ARHGAP12: variants seen among roughly 807,000 people sequenced by gnomAD.
ARHGAP12 encodes Rho GTPase activating protein 12.
In ARHGAP12, 64 loss-of-function variants were observed where a neutral mutation model predicts 108.6. The observed-to-expected ratio is 0.59, with a 90% CI of 0.48 to 0.73. ARHGAP12 has a LOEUF of 0.73. Among genes scored for constraint, ARHGAP12 ranks in the 30% least tolerant of loss-of-function variants. The pLI is 0.00. For synonymous variants in ARHGAP12, 312 were observed against 337.2 expected (o/e 0.93, Z 0.82); for missense variants, 940 against 1,005.9 (o/e 0.93, Z 0.89).
chr10:31,816,640 C>T (rs893705121), intron 13 of ARHGAP12, among the ~76,000 whole-genome samples: 3 of 152,064 alleles, frequency 2.0e-5, no homozygotes, highest in Admixed American at 1.3e-4. Context: ...GGGCCTACAC[C>T]GCTGAATTTT....
At chr10:31,920,153 C>G (rs2132492226) in intron 1 of ARHGAP12, among the ~76,000 whole-genome samples, 1 of 150,112 alleles carries the variant, frequency 6.7e-6, no homozygotes, top group South Asian at 2.1e-4. Flanking sequence ...CATTCAAACT[C>G]TTAGAAAACT....
At chr10:31,927,594 C>T (rs1475219742) in intron 1 of ARHGAP12, among the ~76,000 whole-genome samples, 1 of 152,200 alleles carries the variant, frequency 6.6e-6, no homozygotes, top group African/African-American at 2.4e-5. Context: ...CAGCCACAAC[C>T]AATCGTGTTA....
intron 4 of ARHGAP12, among the ~76,000 whole-genome samples, chr10:31,854,799 C>T (rs532101901): frequency 2.6e-4 from 40 of 151,498 alleles, no homozygotes; most frequent in Non-Finnish European, 5.0e-4. Flanking sequence ...CAAATTCAAA[C>T]ACAATACAGA....
intron 1 of ARHGAP12, among the ~76,000 whole-genome samples, chr10:31,914,981 C>T (rs1435080768): frequency 6.6e-6 from 1 of 152,214 alleles, no homozygotes; most frequent in Admixed American, 6.5e-5. Flanking sequence ...TCCTGCCATT[C>T]GCAACAACAT....
intron 6 of ARHGAP12, among the ~76,000 whole-genome samples, chr10:31,848,824 G>A (rs1033294446): frequency 2.6e-5 from 4 of 152,134 alleles, no homozygotes; most frequent in Admixed American, 2.0e-4. Context: ...TGTAATTCCA[G>A]CACTCTGGGA....
intron 13 of ARHGAP12, among the ~76,000 whole-genome samples, chr10:31,814,774 A>C (rs184411162): frequency 3.3e-5 from 5 of 152,304 alleles, no homozygotes; most frequent in African/African-American, 1.2e-4. Context: ...ACCCTGTAAC[A>C]ACAGGACAAG....
chr10:31,919,609 G>A (rs189271322), intron 1 of ARHGAP12, among the ~76,000 whole-genome samples: 1 of 151,404 alleles, frequency 6.6e-6, no homozygotes, highest in African/African-American at 2.4e-5. Flanking sequence ...TGGCTCCCAC[G>A]GTGAAACCGT....
At chr10:31,859,898 G>A (rs185726663) in intron 4 of ARHGAP12, among the ~76,000 whole-genome samples, 3 of 151,426 alleles carry the variant, frequency 2.0e-5, no homozygotes, top group Admixed American at 6.6e-5. Flanking sequence ...GGGTTCAAGC[G>A]ATTCTCCTGC....
rs374739226 is a variant in ARHGAP12, at chr10:31,874,743, G to T, written c.685-13085C>A. 1.3e-4 allele frequency among the ~76,000 whole-genome samples: 19 copies of T among 151,868 alleles called. No individual in the cohort carries two copies. The East Asian group carries it at 2.9e-3, about 23-fold the overall frequency. On this transcript the variant is annotated intron_variant, in intron 3 of 19. Coordinates refer to ENST00000344936, the MANE Select transcript of ARHGAP12 (RefSeq NM_018287.7). ...AATCCTAGCACTTTGGGCGGCCGAG[G>T]CGTGCGGATCACCTGAGGTCAAAAG...
chr10:31,843,624 C>T, intron 6 of ARHGAP12, 38 bp from the exon 7 acceptor site: 1 of 1,540,586 alleles, frequency 6.5e-7, no homozygotes. Context: ...AAAAACAGTT[C>T]ATAAACAATA....
intron 1 of ARHGAP12, among the ~76,000 whole-genome samples, chr10:31,919,487 A>T (rs145002951): frequency 4.1e-4 from 63 of 152,322 alleles, no homozygotes; most frequent in African/African-American, 1.4e-3. Context: ...AGCTCTTACA[A>T]ATCCTCTTTA....
At chr10:31,920,139 C>A (rs1263884853) in intron 1 of ARHGAP12, among the ~76,000 whole-genome samples, 4 of 147,856 alleles carry the variant, frequency 2.7e-5, no homozygotes, top group Non-Finnish European at 4.5e-5. Flanking sequence ...AAAAAGCAAA[C>A]AAACATTCAA....
intron 9 of ARHGAP12, among the ~76,000 whole-genome samples, chr10:31,833,556 G>A (rs1046752750): frequency 1.3e-5 from 2 of 152,140 alleles, no homozygotes; most frequent in Non-Finnish European, 2.9e-5. Flanking sequence ...TCACCAAATG[G>A]TCACAGGGAT....
intron 1 of ARHGAP12, 41 bp from the exon 2 acceptor site, chr10:31,910,604 C>T (rs770197015): frequency 6.6e-6 from 1 of 152,204 alleles, no homozygotes; most frequent in Non-Finnish European, 1.5e-5. Flanking sequence ...AAACCAAGAT[C>T]GCTGAAGACT....
Position 31,808,658 on chromosome 10 carries a change from T to C in ARHGAP12, c.2357A>G (p.His786Arg). 1 of 1,613,520 alleles carries C rather than the reference T, an allele frequency of 6.2e-7. No individual in the cohort carries two copies. The highest frequency in any genetic ancestry group is 8.5e-7 in the Non-Finnish European group (1 of 1,179,532). ...TGGGCAGTCCTCCTACCTTCTGAGA[T>C]GTCGGAAAAGAATCTGCATTGTGTC... is the stretch of plus-strand genomic sequence containing the variant. The part of the protein sequence containing the change: ...NQDTMQILFR[H>R]LRRVIENGEK... Residue 786 changes from histidine (H) to arginine (R), a missense_variant, in exon 19 of 20, where the codon CAT (histidine) becomes CGT (arginine). By Grantham distance (29) the His-to-Arg change is conservative. Transcript: ENST00000344936.
intron 13 of ARHGAP12, among the ~76,000 whole-genome samples, chr10:31,817,258 C>A (rs769934554): frequency 1.3e-5 from 2 of 151,682 alleles, no homozygotes; most frequent in Non-Finnish European, 2.9e-5. Context: ...TACTAACATA[C>A]CTGCAGAATA....
At chr10:31,808,967 A>C in intron 18 of ARHGAP12, 27 bp downstream of exon 18, 1 of 1,541,660 alleles carries the variant, frequency 6.5e-7, no homozygotes, top group Non-Finnish European at 8.8e-7. Context: ...AATATCTAGA[A>C]AAAACTGAGT....
rs577747539 is a variant in ARHGAP12, at chr10:31,914,572, T to C, written c.-110-4009A>G. Among the ~76,000 whole-genome samples the C allele has an allele frequency of 2.0e-5, 3 of 152,028 alleles. No individual in the cohort carries two copies. In the South Asian group the frequency reaches 6.2e-4, roughly 32 times the overall value. ...TGCTCAACATCACTAATCAGGGAAA[T>C]GCAAATCAAACCCACAATGAGAAAG... On this transcript the variant is annotated intron_variant, in intron 1 of 19. Coordinates refer to ENST00000344936, the MANE Select transcript of ARHGAP12 (RefSeq NM_018287.7).
chr10:31,836,770 G>A (rs923041760), intron 9 of ARHGAP12, among the ~76,000 whole-genome samples: 2 of 152,140 alleles, frequency 1.3e-5, no homozygotes, highest in Non-Finnish European at 2.9e-5. Context: ...CAAGCGCAGA[G>A]GAGGAACCAG....
Sources: allele counts gnomAD v4.1 joint callset (sites outside exome capture counted in the v4.1 genomes callset), GRCh38; gene constraint gnomAD v4.1.1; transcripts MANE v1.5; gene names NCBI Gene and HGNC (gene_info 2026-07-23, HGNC 2026-07-21).